STK24: variants seen among roughly 807,000 people sequenced by gnomAD.
STK24 encodes the protein serine/threonine-protein kinase 24.
A neutral mutation model predicts 55.6 loss-of-function variants in STK24; 21 were observed. That is an observed-to-expected ratio of 0.38 (90% CI 0.27 to 0.54). The LOEUF (loss-of-function observed/expected upper bound fraction) is 0.54. Among genes scored for constraint, STK24 ranks in the 20% least tolerant of loss-of-function variants. STK24 has a pLI of 0.79. For missense variants in STK24, 383 were observed against 538.4 expected, an observed-to-expected ratio of 0.71 and a Z score of 2.86; for synonymous variants, 200 against 215.2, an observed-to-expected ratio of 0.93 and a Z score of 0.62.
chr13:98,523,887 T>C (rs1896344144), intron 1 of STK24, among the ~76,000 whole-genome samples: 1 of 152,314 alleles, frequency 6.6e-6, no homozygotes, highest in Non-Finnish European at 1.5e-5. Flanking sequence ...CGACGGCCCA[T>C]GCTTGACTCT....
chr13:98,460,525 GGA>G, intron 8 of STK24, 85 bp from the exon 9 acceptor site: 1 of 1,132,666 alleles, frequency 8.8e-7, no homozygotes. Flanking sequence ...CCTGGACTAT[GGA>G]AGCGCAGGAG....
chr13:98,488,814 AG>A (rs1458090996), intron 2 of STK24, among the ~76,000 whole-genome samples: 1 of 152,336 alleles, frequency 6.6e-6, no homozygotes, highest in East Asian at 1.9e-4. Context: ...TTAAAAAAAA[AG>A]ACAAACGAGA....
chr13:98,564,717 C>A (rs1897521394), intron 1 of STK24, among the ~76,000 whole-genome samples: 2 of 152,144 alleles, frequency 1.3e-5, no homozygotes, highest in South Asian at 2.1e-4. Flanking sequence ...CTACTGCACC[C>A]TAGATCTTGA....
chr13:98,568,067 T>G (rs1420808255), intron 1 of STK24, among the ~76,000 whole-genome samples: 1 of 151,596 alleles, frequency 6.6e-6, no homozygotes, highest in Non-Finnish European at 1.5e-5. Context: ...TGGCGCGATC[T>G]CGGCTCCCTG....
rs986058129 is a variant in STK24 at position 98,544,299 on chromosome 13, G to A, written c.43-24826C>T. On this transcript the variant is annotated intron_variant, in intron 1 of 10. Transcript: ENST00000539966. Reference sequence around the variant, plus strand: ...AAACTGAGGTGGCAGGTACGTTCCCGTGGCCCAACTGCAGACACAGAAGTC... The same window carrying A: ...AAACTGAGGTGGCAGGTACGTTCCCATGGCCCAACTGCAGACACAGAAGTC... Among the ~76,000 whole-genome samples, 10 of 152,300 alleles carry A rather than the reference G, an allele frequency of 6.6e-5. 1 individual carries two copies. The highest frequency in any genetic ancestry group is 1.7e-4 in the African/African-American group (7 of 41,586).
At chr13:98,492,830 A>T (rs1427810904) in intron 2 of STK24, among the ~76,000 whole-genome samples, 1 of 152,198 alleles carries the variant, frequency 6.6e-6, no homozygotes, top group Non-Finnish European at 1.5e-5. Context: ...ACAGATTAAG[A>T]TGCCTGCACA....
chr13:98,489,143 G>GC (rs1424639767), intron 2 of STK24, among the ~76,000 whole-genome samples: 1 of 152,206 alleles, frequency 6.6e-6, no homozygotes, highest in Non-Finnish European at 1.5e-5. Context: ...TCGCCTATGA[G>GC]CCTCCACTTC....
At chr13:98,576,346 C>A in intron 1 of STK24, 1 of 466,962 alleles carries the variant, frequency 2.1e-6, no homozygotes, top group Non-Finnish European at 2.8e-6. Flanking sequence ...GGCCCTCCGC[C>A]AACCCGGCCA....
In STK24 at chr13:98,448,419, A is replaced by G. The variant is rs1251305665; in HGVS notation, c.*4754T>C. 2.1e-6 allele frequency: 2 copies of G among 962,516 alleles called. No homozygotes were observed. Among genetic ancestry groups the G allele is most frequent in the Admixed American group, 1.9e-5 (1 of 53,712 alleles). The allele number at this position is 962,516 out of a possible 1,614,324, so 59.6% of individuals were successfully genotyped here. ...TAAAATTAACACCTGTCTGAAAATC[A>G]AAAACATGGCTTCCCAGCAGCTCTC... is the stretch of plus-strand genomic sequence containing the variant. On this transcript the variant is annotated 3_prime_UTR_variant, in exon 11 of 11. Coordinates refer to ENST00000539966, the MANE Select transcript of STK24 (RefSeq NM_001032296.4).
At chr13:98,474,160 T>C (rs1442567883) in intron 5 of STK24, among the ~76,000 whole-genome samples, 3 of 151,942 alleles carry the variant, frequency 2.0e-5, no homozygotes, top group Non-Finnish European at 2.9e-5. Context: ...TTCACAAAAG[T>C]GGAGGGCAAC....
intron 3 of STK24, among the ~76,000 whole-genome samples, chr13:98,479,280 C>T (rs1894499725): frequency 6.6e-6 from 1 of 152,170 alleles, no homozygotes; most frequent in Non-Finnish European, 1.5e-5. Context: ...TTTCCATTTA[C>T]CATTTTATTT....
intron 1 of STK24, among the ~76,000 whole-genome samples, chr13:98,534,838 A>T (rs1461439955): frequency 6.6e-6 from 1 of 152,226 alleles, no homozygotes; most frequent in East Asian, 1.9e-4. Context: ...TAAAAATCCC[A>T]ATCTCCAAAT....
chr13:98,522,091 C>A (rs1319327397), intron 1 of STK24: 13 of 1,346,552 alleles, frequency 9.7e-6, no homozygotes, highest in African/African-American at 1.5e-5. Flanking sequence ...TGGCTCCGCT[C>A]TGGATCCGGT....
rs10641055 is a variant in STK24, at chr13:98,511,901, A to ATTTTTT, written c.273+7336_273+7341dup. 1.1e-3 allele frequency among the ~76,000 whole-genome samples: 161 copies of ATTTTTT among 141,212 alleles called. 1 individual carries two copies. Among genetic ancestry groups the ATTTTTT allele is most frequent in the African/African-American group, 4.1e-3 (153 of 37,744 alleles). The allele number at this position is 141,212 out of a possible 152,430, so 92.6% of individuals were successfully genotyped here. A position where few individuals can be genotyped will look rare whatever the true frequency, so the allele number is the denominator to read the frequency against. On this transcript the variant is annotated intron_variant, in intron 2 of 10. Coordinates refer to ENST00000539966, the MANE Select transcript of STK24 (RefSeq NM_001032296.4). The stretch of plus-strand genomic sequence containing the variant: ...ACATCCAAGAGTGAGTTTTACAGTA[A>ATTTTTT]TTTTTTTTTTTTTTTTTGAGACAGA...
intron 2 of STK24, among the ~76,000 whole-genome samples, chr13:98,484,264 T>TAA (rs1424037649): frequency 6.6e-6 from 1 of 152,208 alleles, no homozygotes; most frequent in Non-Finnish European, 1.5e-5. Context: ...AAAACACCAG[T>TAA]ATCTTTCTAG....
intron 2 of STK24, among the ~76,000 whole-genome samples, chr13:98,501,594 G>T (rs1895466378): frequency 6.6e-6 from 1 of 152,144 alleles, no homozygotes; most frequent in Non-Finnish European, 1.5e-5. Flanking sequence ...TACAATTCAA[G>T]ATAGGTTATC....
At chr13:98,477,761 T>C (rs1894432625) in intron 3 of STK24, among the ~76,000 whole-genome samples, 1 of 150,802 alleles carries the variant, frequency 6.6e-6, no homozygotes, top group African/African-American at 2.4e-5. Context: ...CGACGATCAA[T>C]ACCTGTGGTT....
chr13:98,461,735 C>T (rs755305098), intron 8 of STK24, 39 bp downstream of exon 8: 2 of 1,606,126 alleles, frequency 1.2e-6, no homozygotes, highest in African/African-American at 1.3e-5. Context: ...ACACTGCAGA[C>T]TGAGGTCAGC....
intron 1 of STK24, 97 bp downstream of exon 1, chr13:98,576,648 C>G: frequency 8.9e-7 from 1 of 1,126,874 alleles, no homozygotes; most frequent in Non-Finnish European, 1.2e-6. Context: ...GGCGCGACCC[C>G]GGCCGGCTGA....
Sources: gnomAD v4.1 joint callset for allele counts (sites outside exome capture counted in the v4.1 genomes callset) on GRCh38, gnomAD v4.1.1 for gene constraint, MANE v1.5 for transcripts, NCBI Gene and HGNC (gene_info 2026-07-23, HGNC 2026-07-21) for gene names.